Variants in MTHFD1L observed in about 807,000 individuals in gnomAD.
The protein encoded by MTHFD1L is monofunctional C1-tetrahydrofolate synthase, mitochondrial.
In MTHFD1L, 81 loss-of-function variants were observed where a neutral mutation model predicts 119.5. The observed-to-expected ratio is 0.68, with a 90% CI of 0.57 to 0.82. The LOEUF (loss-of-function observed/expected upper bound fraction) is 0.82, where lower values mean the gene tolerates loss of function less well. MTHFD1L is among the 40% of genes least tolerant of loss of function. MTHFD1L has a pLI of 0.00. For synonymous variants in MTHFD1L, 430 were observed against 475.2 expected (o/e 0.90, Z 1.24); for missense variants, 1,125 against 1,253.4 (o/e 0.90, Z 1.55).
At chr6:150,871,560 G>T (rs1229589169) in intron 1 of MTHFD1L, among the ~76,000 whole-genome samples, 1 of 135,956 alleles carries the variant, frequency 7.4e-6, no homozygotes, top group Non-Finnish European at 1.5e-5. Context: ...GGACTGCAGT[G>T]CTGCGATCTC....
At chr6:150,950,916 A>G (rs1273168373) in intron 16 of MTHFD1L, among the ~76,000 whole-genome samples, 2 of 151,154 alleles carry the variant, frequency 1.3e-5, no homozygotes, top group East Asian at 3.9e-4. Context: ...CGATCCGCCC[A>G]CCTCAGCCTC....
intron 20 of MTHFD1L, among the ~76,000 whole-genome samples, chr6:150,992,688 T>G (rs1779212268): frequency 6.6e-6 from 1 of 152,210 alleles, no homozygotes; most frequent in African/African-American, 2.4e-5. Flanking sequence ...ATGGCCATGT[T>G]TAGTGGGCCA....
intron 26 of MTHFD1L, among the ~76,000 whole-genome samples, chr6:151,037,458 C>T (rs1786351339): frequency 6.6e-6 from 1 of 151,982 alleles, no homozygotes; most frequent in African/African-American, 2.4e-5. Context: ...CACATAGCAC[C>T]CAAAATGATG....
At chr6:151,085,034 C>T (rs1391382423) in intron 26 of MTHFD1L, among the ~76,000 whole-genome samples, 3 of 145,916 alleles carry the variant, frequency 2.1e-5, no homozygotes, top group Non-Finnish European at 4.5e-5. Context: ...TATACACACA[C>T]ACACACATTA....
intron 8 of MTHFD1L, chr6:150,912,711 T>C (rs377165098): frequency 1.6e-5 from 8 of 516,028 alleles, no homozygotes; most frequent in African/African-American, 1.5e-4. Flanking sequence ...TTTAAAGTGA[T>C]TCATTGACTT....
chr6:150,896,171 C>G (rs1433782635), intron 7 of MTHFD1L, among the ~76,000 whole-genome samples: 8 of 152,200 alleles, frequency 5.3e-5, no homozygotes, highest in Admixed American at 5.2e-4. Flanking sequence ...AAAGTCTAAT[C>G]TCTAATCTTG....
At chr6:150,998,376 T>G (rs904883082) in intron 20 of MTHFD1L, among the ~76,000 whole-genome samples, 1 of 152,194 alleles carries the variant, frequency 6.6e-6, no homozygotes, top group African/African-American at 2.4e-5. Flanking sequence ...TTTACTTTGT[T>G]TTTGAATTCA....
In MTHFD1L at chr6:151,034,511, A is replaced by G; in HGVS notation, c.2605A>G (p.Ile869Val). The G allele has an allele frequency of 6.2e-7, 1 of 1,611,112 alleles. No homozygotes were observed. Among genetic ancestry groups the G allele is most frequent in the Non-Finnish European group, 8.5e-7 (1 of 1,179,026 alleles). ...TCTCCAGGTTCCAATTGTGGACAAG[A>G]TAAGGACCATTGCTCAGGCTGTCTA... is the stretch of plus-strand genomic sequence containing the variant. The part of the protein sequence containing the change: ...YDVQVPIVDK[I>V]RTIAQAVYGA... The change falls in exon 25 of 28, where the codon ATA becomes GTA. Residue 869 changes from isoleucine to valine, a missense_variant. This residue lies in a region of MTHFD1L where 1,058 missense variants were observed against 1,151.2 expected (regional missense o/e 0.92). Transcript: ENST00000367321.
intron 20 of MTHFD1L, among the ~76,000 whole-genome samples, chr6:150,994,960 G>A (rs1328579188): frequency 1.3e-5 from 2 of 152,070 alleles, no homozygotes; most frequent in African/African-American, 4.8e-5. Flanking sequence ...TGTTTTTAAT[G>A]CATATCTTTT....
At position 151,023,053 on chromosome 6, in the gene MTHFD1L, T is replaced by G. The variant is rs181897827; in HGVS notation, c.2586+7360T>G. Among the ~76,000 whole-genome samples the G allele has an allele frequency of 3.6e-4, 54 of 150,538 alleles. No individual in the cohort carries two copies. The East Asian group carries it at 7.2e-3, about 20-fold the overall frequency. ...GTTGGTTGGTTGGTTTTTGGGTTTT[T>G]TTTTTTTTTTTGAGGCAGAGTCTCG... On this transcript the variant is annotated intron_variant, in intron 24 of 27. Coordinates refer to ENST00000367321, the MANE Select transcript of MTHFD1L (RefSeq NM_015440.5).
chr6:151,011,724 C>G (rs759156117), intron 21 of MTHFD1L, among the ~76,000 whole-genome samples: 3 of 152,110 alleles, frequency 2.0e-5, no homozygotes, highest in Non-Finnish European at 4.4e-5. Context: ...ATCATGGTAA[C>G]ATGGAACAGG....
intron 19 of MTHFD1L, among the ~76,000 whole-genome samples, chr6:150,969,843 C>T (rs1234864310): frequency 1.3e-5 from 2 of 152,076 alleles, no homozygotes; most frequent in Admixed American, 6.5e-5. Context: ...CAGGATGTTC[C>T]GTGTCATCGA....
At chr6:150,930,280 A>G (rs747269337) in intron 11 of MTHFD1L, among the ~76,000 whole-genome samples, 10 of 152,240 alleles carry the variant, frequency 6.6e-5, no homozygotes, top group African/African-American at 1.9e-4. Flanking sequence ...GTTTAAAGCA[A>G]CATTTGTAAT....
chr6:151,040,081 C>G (rs993839204), intron 26 of MTHFD1L, among the ~76,000 whole-genome samples: 7 of 152,130 alleles, frequency 4.6e-5, no homozygotes, highest in African/African-American at 1.7e-4. Flanking sequence ...ACTGGACCAT[C>G]AGGGGAGGTG....
At chr6:150,875,877 T>C (rs1178065835) in intron 1 of MTHFD1L, 1 of 489,520 alleles carries the variant, frequency 2.0e-6, no homozygotes, top group Non-Finnish European at 3.6e-6. Flanking sequence ...CTCTGCATAT[T>C]TTAAAAACTG....
intron 20 of MTHFD1L, among the ~76,000 whole-genome samples, chr6:150,977,529 C>T (rs1042494444): frequency 6.6e-6 from 1 of 151,942 alleles, no homozygotes; most frequent in East Asian, 1.9e-4. Flanking sequence ...TATTTGGCAT[C>T]GAATTCTAAT....
At chr6:150,891,520 A>G (rs986561744) in intron 7 of MTHFD1L, among the ~76,000 whole-genome samples, 13 of 147,976 alleles carry the variant, frequency 8.8e-5, no homozygotes, top group Non-Finnish European at 1.8e-4. Context: ...ATATATTAGG[A>G]TTATATATAA....
At chr6:150,950,948 C>T (rs565552720) in intron 16 of MTHFD1L, among the ~76,000 whole-genome samples, 1 of 151,886 alleles carries the variant, frequency 6.6e-6, no homozygotes, top group East Asian at 1.9e-4. Context: ...GGATTACATG[C>T]GTGAGCCACT....
chr6:150,972,868 G>A (rs1422771852), intron 20 of MTHFD1L, among the ~76,000 whole-genome samples: 1 of 152,166 alleles, frequency 6.6e-6, no homozygotes, highest in African/African-American at 2.4e-5. Flanking sequence ...TTTTGCTGCT[G>A]TCAAGTTCTT....
Sources: gnomAD v4.1 joint callset for allele counts (sites outside exome capture counted in the v4.1 genomes callset) on GRCh38, gnomAD v4.1.1 for gene constraint, gnomAD v4.1.1 regional missense constraint, MANE v1.5 for transcripts, NCBI Gene and HGNC (gene_info 2026-07-23, HGNC 2026-07-21) for gene names.